Variants in UGT1A9 observed in about 807,000 individuals in gnomAD.
UGT1A9 encodes the protein UDP glucuronosyltransferase family 1 member A9.
Under a neutral mutation model 45.0 loss-of-function variants are expected in UGT1A9, and 35 were observed. The observed-to-expected ratio is 0.78, with a 90% CI of 0.59 to 1.03. UGT1A9 has a LOEUF of 1.03. Ranked by LOEUF, UGT1A9 falls within the 50% of genes least tolerant of loss-of-function variation. UGT1A9 has a pLI of 0.00. For missense variants in UGT1A9, 687 were observed against 666.6 expected (o/e 1.03, Z -0.34); for synonymous variants, 278 against 250.6 (o/e 1.11, Z -1.03).
intron 1 of UGT1A9, among the ~76,000 whole-genome samples, chr2:233,675,145 G>T (rs2074311739): frequency 6.6e-6 from 1 of 152,036 alleles, no homozygotes; most frequent in African/African-American, 2.4e-5. Context: ...GCTATCCAGG[G>T]GAATTACATC....
intron 1 of UGT1A9, chr2:233,752,671 G>C (rs764603463): frequency 6.6e-6 from 1 of 152,170 alleles, no homozygotes; most frequent in Non-Finnish European, 1.5e-5. Flanking sequence ...AGGATCACTT[G>C]AGCCCAGAAA....
intron 1 of UGT1A9, chr2:233,693,473 G>A (rs887656290): frequency 6.2e-7 from 1 of 1,614,174 alleles, no homozygotes; most frequent in Non-Finnish European, 8.5e-7. Context: ...ACCCTGTGGG[G>A]TGATCCTGGC....
At position 233,693,437 on chromosome 2, in the gene UGT1A9, G is replaced by C. The variant is rs955670837; in HGVS notation, c.855+20648G>C. On this transcript the variant is annotated intron_variant, in intron 1 of 4. Coordinates refer to ENST00000354728, the MANE Select transcript of UGT1A9 (RefSeq NM_021027.3). ...GAACTTCTTTAAGGAGAGCAAGTTTGATGCTCTTTTCACAGACCCAGCCTT... is the reference window on the plus strand; with the variant it reads ...GAACTTCTTTAAGGAGAGCAAGTTTCATGCTCTTTTCACAGACCCAGCCTT... 17 of 1,614,030 alleles carry C rather than the reference G, an allele frequency of 1.1e-5. No individual in the cohort carries two copies. The highest frequency in any genetic ancestry group is 1.4e-5 in the Non-Finnish European group (16 of 1,180,034).
rs190570057 is a variant in UGT1A9, at chr2:233,713,150, G to A, written c.855+40361G>A. On this transcript the variant is annotated intron_variant, in intron 1 of 4. Coordinates refer to ENST00000354728, the MANE Select transcript of UGT1A9 (RefSeq NM_021027.3). Reference sequence around the variant, plus strand: ...GGGAGGCCTTGCGGGACCTCCATGCGAGAGGCCACCAGGTGGTGGTCCTCA... The same window carrying A: ...GGGAGGCCTTGCGGGACCTCCATGCAAGAGGCCACCAGGTGGTGGTCCTCA... The A allele has an allele frequency of 5.6e-6, 9 of 1,614,242 alleles. No individual in the cohort carries two copies. In the East Asian group the frequency reaches 8.9e-5, roughly 16 times the overall value.
chr2:233,755,031 C>A (rs758383518), intron 1 of UGT1A9: 1 of 1,312,808 alleles, frequency 7.6e-7, no homozygotes, highest in East Asian at 4.6e-5. Flanking sequence ...GAAGGGCCTG[C>A]CGCCTGCGCA....
At chr2:233,758,574 A>G (rs1051442664) in intron 1 of UGT1A9, among the ~76,000 whole-genome samples, 1 of 152,190 alleles carries the variant, frequency 6.6e-6, no homozygotes, top group Non-Finnish European at 1.5e-5. Flanking sequence ...CTAAAAAATG[A>G]AGAGTGTTTG....
At chr2:233,757,106 G>A (rs1294387153) in intron 1 of UGT1A9, among the ~76,000 whole-genome samples, 2 of 151,332 alleles carry the variant, frequency 1.3e-5, no homozygotes, top group African/African-American at 4.9e-5. Flanking sequence ...GAGGGGGCAA[G>A]CAGAAGGGCT....
intron 1 of UGT1A9, among the ~76,000 whole-genome samples, chr2:233,680,036 CTCTT>C (rs895286095): frequency 3.3e-5 from 5 of 151,506 alleles, no homozygotes; most frequent in African/African-American, 1.2e-4. Flanking sequence ...TTTTCTTTTT[CTCTT>C]TCTTTCTTTT....
chr2:233,701,248 C>G (rs1368888043), intron 1 of UGT1A9, among the ~76,000 whole-genome samples: 3 of 152,042 alleles, frequency 2.0e-5, no homozygotes, highest in African/African-American at 7.3e-5. Context: ...AATGAGATGG[C>G]TGGGTCAAAT....
rs34681509 is a variant in UGT1A9 at position 233,762,717 on chromosome 2, GT to G, written c.856-4305del. On this transcript the variant is annotated intron_variant, in intron 1 of 4. Transcript: ENST00000354728. ...CATCTTTTCTTAAGTATTTTACACGGTTTTTTTTTTTTGGTCACTACTGTGA... is the reference window on the plus strand; with the variant it reads ...CATCTTTTCTTAAGTATTTTACACGGTTTTTTTTTTTGGTCACTACTGTGA... Among the ~76,000 whole-genome samples the G allele has an allele frequency of 9.0e-3, 1,271 of 141,024 alleles. 11 individuals carry two copies. The highest frequency in any genetic ancestry group is 0.017 in the Admixed American group (234 of 14,104). The allele number at this position is 141,024 out of a possible 152,430, so 92.5% of individuals were successfully genotyped here.
intron 1 of UGT1A9, chr2:233,690,926 C>G (rs990494432): frequency 9.8e-7 from 1 of 1,021,816 alleles, no homozygotes; most frequent in Non-Finnish European, 1.2e-6. Context: ...ATTTCTTCAG[C>G]TCCTTCCTCC....
At chr2:233,721,414 A>G (rs1463398492) in intron 1 of UGT1A9, 1 of 155,730 alleles carries the variant, frequency 6.4e-6, no homozygotes, top group Non-Finnish European at 1.4e-5. Context: ...TAGGACAGGT[A>G]CCCTAAGCAT....
At chr2:233,700,864 C>A (rs1043981415) in intron 1 of UGT1A9, among the ~76,000 whole-genome samples, 1 of 151,810 alleles carries the variant, frequency 6.6e-6, no homozygotes, top group Non-Finnish European at 1.5e-5. Flanking sequence ...TAATGCTATC[C>A]CTCCCTCCTC....
intron 1 of UGT1A9, among the ~76,000 whole-genome samples, chr2:233,673,226 A>T (rs540855979): frequency 6.6e-6 from 1 of 152,276 alleles, no homozygotes; most frequent in South Asian, 2.1e-4. Context: ...AAAATCTAGT[A>T]TTGGGCTGGA....
intron 4 of UGT1A9, chr2:233,771,165 A>T (rs927521180): frequency 6.6e-6 from 1 of 152,234 alleles, no homozygotes; most frequent in African/African-American, 2.4e-5. Context: ...CATCTCCAGC[A>T]CTGGGGATTA....
intron 1 of UGT1A9, chr2:233,743,955 C>T (rs752795670): frequency 9.0e-6 from 12 of 1,339,906 alleles, no homozygotes; most frequent in African/African-American, 3.0e-5. Context: ...ACTGGCACAG[C>T]GAGCGGCAAG....
chr2:233,738,561 A>C lies in UGT1A9; in HGVS notation c.856-28473A>C, dbSNP rs200356617. 8.5e-5 allele frequency among the ~76,000 whole-genome samples: 13 copies of C among 152,332 alleles called. No homozygotes were observed. In the East Asian group the frequency reaches 2.5e-3, roughly 29 times the overall value. ...GCTGAGTCTCAGATAGAGATGAGGA[A>C]TCTGTTGAGAACTGGAGCAAAGGTC... On this transcript the variant is annotated intron_variant, in intron 1 of 4. Transcript: ENST00000354728.
intron 1 of UGT1A9, among the ~76,000 whole-genome samples, chr2:233,684,728 G>T (rs4583459): frequency 0.6 from 91,008 of 151,656 alleles, 27,587 homozygotes; most frequent in South Asian, 0.65. Context: ...TTTATAAATA[G>T]AAAATAAATA....
At chr2:233,715,771 C>CA (rs1328948750) in intron 1 of UGT1A9, among the ~76,000 whole-genome samples, 2 of 151,962 alleles carry the variant, frequency 1.3e-5, no homozygotes, top group East Asian at 3.9e-4. Context: ...GGACCCATCT[C>CA]AAAAAAATAA....
Sources: allele counts gnomAD v4.1 joint callset (sites outside exome capture counted in the v4.1 genomes callset), GRCh38; gene constraint gnomAD v4.1.1; transcripts MANE v1.5; gene names NCBI Gene and HGNC (gene_info 2026-07-23, HGNC 2026-07-21).